Variants in MTHFD1L observed in about 807,000 individuals in gnomAD.
MTHFD1L encodes the protein methylenetetrahydrofolate dehydrogenase (NADP+ dependent) 1 like.
Under a neutral mutation model 119.5 loss-of-function variants are expected in MTHFD1L, and 81 were observed. The observed-to-expected ratio is 0.68, with a 90% confidence interval of 0.57 to 0.82. MTHFD1L has a LOEUF of 0.82. Among genes scored for constraint, MTHFD1L ranks in the 40% least tolerant of loss-of-function variants. The pLI, the probability that MTHFD1L is intolerant of heterozygous loss-of-function variation, is 0.00. For missense variants in MTHFD1L, 1,125 were observed against 1,253.4 expected, an observed-to-expected ratio of 0.90 and a Z score of 1.55; for synonymous variants, 430 against 475.2, an observed-to-expected ratio of 0.90 and a Z score of 1.24.
chr6:151,012,991 A>G (rs114222583), intron 21 of MTHFD1L, among the ~76,000 whole-genome samples: 2,279 of 152,314 alleles, frequency 0.015, 69 homozygotes, highest in African/African-American at 0.052. Flanking sequence ...GCTGATTTCC[A>G]TATCAATTTC....
chr6:150,945,769 T>C (rs939838825), intron 15 of MTHFD1L, among the ~76,000 whole-genome samples: 1 of 152,212 alleles, frequency 6.6e-6, no homozygotes, highest in Admixed American at 6.5e-5. Context: ...TAACCTTTTT[T>C]GGTCTCAGTT....
chr6:150,993,549 T>A (rs949837590), intron 20 of MTHFD1L, among the ~76,000 whole-genome samples: 1 of 152,146 alleles, frequency 6.6e-6, no homozygotes, highest in African/African-American at 2.4e-5. Flanking sequence ...TGGCCTTAAG[T>A]GATCCTCCTG....
chr6:150,996,745 G>C (rs185497379), intron 20 of MTHFD1L, among the ~76,000 whole-genome samples: 1 of 152,256 alleles, frequency 6.6e-6, no homozygotes, highest in East Asian at 1.9e-4. Flanking sequence ...GGAGACCTAA[G>C]CTGGGGAACT....
intron 8 of MTHFD1L, among the ~76,000 whole-genome samples, chr6:150,916,467 A>ATGTTTTTTTTTTTTTTTT (rs1787913592): frequency 2.6e-5 from 1 of 39,062 alleles, no homozygotes; most frequent in East Asian, 1.9e-3. Context: ...CGCCCAGCTA[A>ATGTTTTTTTTTTTTTTTT]TTTTTTTTTT....
At chr6:151,078,673 C>G (rs1216879904) in intron 26 of MTHFD1L, among the ~76,000 whole-genome samples, 1 of 152,134 alleles carries the variant, frequency 6.6e-6, no homozygotes, top group Non-Finnish European at 1.5e-5. Flanking sequence ...ATGAGACCTT[C>G]TCCTTCGTCC....
chr6:151,029,277 C>T (rs2128520028), intron 24 of MTHFD1L, among the ~76,000 whole-genome samples: 1 of 150,720 alleles, frequency 6.6e-6, no homozygotes, highest in Middle Eastern at 3.5e-3. Flanking sequence ...AAAAATTAGC[C>T]AGGCGTGGTG....
chr6:150,887,763 G>T (rs775605064), intron 6 of MTHFD1L, 82 bp from the exon 7 acceptor site: 1 of 1,429,666 alleles, frequency 7.0e-7, no homozygotes, highest in Non-Finnish European at 9.3e-7. Context: ...AGCCTAAAAG[G>T]GTCTTTTTTT....
rs984383328 is a variant in MTHFD1L, at chr6:151,011,306, A to G, written c.2265+1348A>G. ...CCTGGATTTTAGACATTGAATCTGT[A>G]TAACAACTTCTATTTTTAAAAACTA... On this transcript the variant is annotated intron_variant, in intron 21 of 27. Transcript: ENST00000367321. Among the ~76,000 whole-genome samples, 4 of 152,356 alleles carry G rather than the reference A, an allele frequency of 2.6e-5. No individual in the cohort carries two copies. In the East Asian group the frequency reaches 5.8e-4, roughly 22 times the overall value.
chr6:151,015,206 C>CTTTTTTTTTT (rs58646889), intron 23 of MTHFD1L, among the ~76,000 whole-genome samples: 15 of 76,930 alleles, frequency 1.9e-4, no homozygotes, highest in Non-Finnish European at 2.9e-4. Flanking sequence ...ATCTCCTTGG[C>CTTTTTTTTTT]TTTTTTTTTT....
chr6:151,054,991 C>A (rs1297814692), intron 26 of MTHFD1L: 1 of 152,078 alleles, frequency 6.6e-6, no homozygotes, highest in Non-Finnish European at 1.5e-5. Flanking sequence ...TTCAGCCGAG[C>A]CTGGTGGGTC....
chr6:150,936,770 T>C, intron 11 of MTHFD1L, 34 bp from the exon 12 acceptor site: 1 of 1,600,394 alleles, frequency 6.2e-7, no homozygotes, highest in East Asian at 2.3e-5. Flanking sequence ...GTCTGGGAAA[T>C]ATTATAAAAT....
chr6:151,011,663 A>T (rs1782241816), intron 21 of MTHFD1L, among the ~76,000 whole-genome samples: 1 of 152,204 alleles, frequency 6.6e-6, no homozygotes. Flanking sequence ...TGCCACATTA[A>T]TCCTTTGTGT....
rs1789914349 is a variant in MTHFD1L at position 150,926,004 on chromosome 6, G to T, written c.1083-118G>T. ...GTGCTTATTACTGCCTGGGAGAAAG[G>T]ACCCCAAAGTAATTGCATTGATTTC... On this transcript the variant is annotated intron_variant, in intron 10 of 27. Coordinates refer to ENST00000367321, the MANE Select transcript of MTHFD1L (RefSeq NM_015440.5). The surrounding 1 kb of genome is among the most constrained non-coding windows in gnomAD (Gnocchi z 4.3). The T allele has an allele frequency of 5.1e-6, 4 of 783,106 alleles. No homozygotes were observed. Among genetic ancestry groups the T allele is most frequent in the Non-Finnish European group, 8.0e-6 (4 of 500,298 alleles). 48.5% of individuals were successfully genotyped at this position (783,106 alleles called of 1,614,324 possible). A position where few individuals can be genotyped will look rare whatever the true frequency, so the allele number is the denominator to read the frequency against.
intron 7 of MTHFD1L, 125 bp from the exon 8 acceptor site, chr6:150,905,525 C>A: frequency 1.5e-6 from 1 of 682,426 alleles, no homozygotes; most frequent in South Asian, 1.8e-5. Flanking sequence ...GCGATTCCAT[C>A]CTTGTCAGCA....
At chr6:150,951,235 C>T (rs9383550) in intron 16 of MTHFD1L, among the ~76,000 whole-genome samples, 46,325 of 150,802 alleles carry the variant, frequency 0.31, 7,591 homozygotes, top group East Asian at 0.47. Context: ...TTTCATCATG[C>T]TGCCCAGGCT....
chr6:151,092,290 A>G (rs530029441), intron 26 of MTHFD1L, among the ~76,000 whole-genome samples, 177 bp from the exon 27 acceptor site: 1 of 152,326 alleles, frequency 6.6e-6, no homozygotes, highest in East Asian at 1.9e-4. Flanking sequence ...TGCCTTTTCT[A>G]CTTCATTTCC....
In MTHFD1L at chr6:150,865,738, C is replaced by CGCT; in HGVS notation, c.-83_-82insTGC. 1.7e-6 allele frequency: 2 copies of CGCT among 1,147,294 alleles called. No individual in the cohort carries two copies. The highest frequency in any genetic ancestry group is 2.4e-5 in the South Asian group (1 of 42,542). 71.1% of individuals were successfully genotyped at this position (1,147,294 alleles called of 1,614,324 possible). ...AGGTCCTTCCCGCCGCCGCCGCCGCCGCCGCCGCCTGCTCCCCTGGCACGC... is the reference window on the plus strand; with the variant it reads ...AGGTCCTTCCCGCCGCCGCCGCCGCCGCTGCCGCCGCCTGCTCCCCTGGCACGC... On this transcript the variant is annotated 5_prime_UTR_variant, in exon 1 of 28. Transcript: ENST00000367321.
intron 26 of MTHFD1L, among the ~76,000 whole-genome samples, chr6:151,073,854 T>C (rs1792219106): frequency 6.6e-6 from 1 of 152,060 alleles, no homozygotes. Context: ...GCCAAAAATA[T>C]GTAAAACTAG....
intron 10 of MTHFD1L, among the ~76,000 whole-genome samples, chr6:150,923,544 CTTTTTTTTTT>C: frequency 1.9e-5 from 1 of 53,240 alleles, no homozygotes; most frequent in Non-Finnish European, 4.0e-5. Context: ...TTTATTTTTT[CTTTTTTTTTT>C]TTTTTTTTTT....
Sources: gnomAD v4.1 joint callset for allele counts (sites outside exome capture counted in the v4.1 genomes callset) on GRCh38, gnomAD v4.1.1 for gene constraint, Gnocchi (gnomAD v3.1) non-coding constraint, MANE v1.5 for transcripts, NCBI Gene and HGNC (gene_info 2026-07-23, HGNC 2026-07-21) for gene names.